The following EDARADD variants were observed in gnomAD, a reference collection of about 807,000 sequenced individuals.
The protein encoded by EDARADD is ectodysplasin-A receptor-associated adapter protein.
In EDARADD, 20 loss-of-function variants were observed where a neutral mutation model predicts 25.6. That is an observed-to-expected ratio of 0.78 (90% CI 0.55 to 1.14). The LOEUF (loss-of-function observed/expected upper bound fraction) is 1.14, where lower values mean the gene tolerates loss of function less well. EDARADD is among the 50% of genes most tolerant of loss of function. The pLI is 0.00. For missense variants in EDARADD, 225 were observed against 270.1 expected, an observed-to-expected ratio of 0.83 and a Z score of 1.17; for synonymous variants, 86 against 94.4, an observed-to-expected ratio of 0.91 and a Z score of 0.52.
intron 3 of EDARADD, among the ~76,000 whole-genome samples, chr1:236,362,689 AGATCTAGAATCAATTTT>A (rs1484790135): frequency 1.3e-5 from 2 of 152,114 alleles, no homozygotes; most frequent in Non-Finnish European, 2.9e-5. Flanking sequence ...AGGATTTATT[AGATCTAGAATCAATTTT>A]GAGTTAATTT....
intron 3 of EDARADD, among the ~76,000 whole-genome samples, chr1:236,381,678 G>C (rs187083899): frequency 9.2e-4 from 139 of 150,890 alleles, no homozygotes; most frequent in Non-Finnish European, 1.9e-3. Flanking sequence ...ATATTTTTCT[G>C]TCAATTCTTT....
intron 2 of EDARADD, among the ~76,000 whole-genome samples, chr1:236,413,818 G>T (rs1242164842): frequency 6.6e-6 from 1 of 152,186 alleles, no homozygotes. Context: ...GAATCATCCT[G>T]TCTCAGTCGA....
At chr1:236,457,348 T>C (rs1658897019) in intron 4 of EDARADD, among the ~76,000 whole-genome samples, 1 of 151,774 alleles carries the variant, frequency 6.6e-6, no homozygotes, top group South Asian at 2.1e-4. Flanking sequence ...AAACAACATC[T>C]CTACAAAAAT....
At chr1:236,355,591 C>A (rs1666966102) in intron 3 of EDARADD, among the ~76,000 whole-genome samples, 1 of 141,506 alleles carries the variant, frequency 7.1e-6, no homozygotes, top group African/African-American at 2.6e-5. Context: ...CTCACTGCAA[C>A]CTCAGTCTCC....
At chr1:236,417,176 T>G (rs1558117112) in intron 3 of EDARADD, among the ~76,000 whole-genome samples, 1 of 152,132 alleles carries the variant, frequency 6.6e-6, no homozygotes, top group Non-Finnish European at 1.5e-5. Context: ...AAAATCCACG[T>G]GAATTAACGA....
chr1:236,379,801 A>T (rs769368621), intron 3 of EDARADD, among the ~76,000 whole-genome samples: 26 of 152,350 alleles, frequency 1.7e-4, no homozygotes, highest in Non-Finnish European at 2.9e-4. Context: ...AAGTAAAATT[A>T]AAAAATTAAA....
intron 4 of EDARADD, among the ~76,000 whole-genome samples, chr1:236,457,820 C>CA (rs1658915735): frequency 8.4e-6 from 1 of 119,552 alleles, no homozygotes; most frequent in African/African-American, 3.5e-5. Flanking sequence ...CTCTGTCCCC[C>CA]ACCAAAAAAA....
At chr1:236,468,493 C>T (rs564335038) in intron 5 of EDARADD, among the ~76,000 whole-genome samples, 3 of 152,066 alleles carry the variant, frequency 2.0e-5, no homozygotes, top group East Asian at 1.9e-4. Context: ...TTGTGGTGGG[C>T]GCCTGTAATC....
At position 236,483,652 on chromosome 1, in the gene EDARADD, T is replaced by C; in HGVS notation, c.*1003T>C. On this transcript the variant is annotated 3_prime_UTR_variant, in exon 6 of 6. Transcript: ENST00000334232. ...GGCAGTTCTCATGCTGTCACCAAGC[T>C]GGCCATGCAGGAGTTCATGGTCCTC... 4 of 1,575,018 alleles carry C rather than the reference T, an allele frequency of 2.5e-6. No individual in the cohort carries two copies. Among genetic ancestry groups the C allele is most frequent in the Non-Finnish European group, 3.5e-6 (4 of 1,146,304 alleles).
In EDARADD at chr1:236,409,248, G is replaced by C; in HGVS notation, c.94G>C (p.Asp32His). 1 of 1,613,140 alleles carries C rather than the reference G, an allele frequency of 6.2e-7. No individual in the cohort carries two copies. Among genetic ancestry groups the C allele is most frequent in the Non-Finnish European group, 8.5e-7 (1 of 1,179,302 alleles). Residue 32 changes from aspartate (D) to histidine (H), a missense_variant, in exon 2 of 6, where the codon GAC becomes CAC. Coordinates refer to ENST00000334232, the MANE Select transcript of EDARADD (RefSeq NM_145861.4). ...GGTAAAGGAACCAGTGGAAGACACAGACCCTAGCACTTTATCCTTTAATAT... is the reference window on the plus strand; with the variant it reads ...GGTAAAGGAACCAGTGGAAGACACACACCCTAGCACTTTATCCTTTAATAT... ...HMVKEPVEDTDPSTLSFNMSD... is the reference protein window; with the variant it reads ...HMVKEPVEDTHPSTLSFNMSD...
intron 5 of EDARADD, among the ~76,000 whole-genome samples, chr1:236,471,104 A>C (rs1014414602): frequency 3.9e-5 from 6 of 152,116 alleles, no homozygotes; most frequent in African/African-American, 1.4e-4. Flanking sequence ...TCTCTACTCC[A>C]GTTTTATTCT....
At chr1:236,433,337 C>T (rs986806287) in intron 4 of EDARADD, among the ~76,000 whole-genome samples, 4 of 151,682 alleles carry the variant, frequency 2.6e-5, no homozygotes, top group Non-Finnish European at 5.9e-5. Context: ...GGCAGGTGGA[C>T]CACCTGAGGT....
At chr1:236,384,164 G>GT (rs1245982210) in intron 3 of EDARADD, among the ~76,000 whole-genome samples, 5 of 152,158 alleles carry the variant, frequency 3.3e-5, no homozygotes, top group Non-Finnish European at 7.3e-5. Flanking sequence ...GCTGCAACCA[G>GT]TGTCCTTATG....
chr1:236,369,817 A>G (rs1667155242), intron 3 of EDARADD, among the ~76,000 whole-genome samples: 1 of 152,020 alleles, frequency 6.6e-6, no homozygotes, highest in Non-Finnish European at 1.5e-5. Flanking sequence ...AGCCTGGGCA[A>G]CAAGAGCGAA....
Position 236,456,045 on chromosome 1 carries a change from T to C in EDARADD, c.220-12186T>C, listed in dbSNP as rs551683091. ...ACCTTGTAATCCGCCCGCCTCGGCC[T>C]CCCAAAGTACAGGGATTATAGGCGT... is the stretch of plus-strand genomic sequence containing the variant. On this transcript the variant is annotated intron_variant, in intron 4 of 5. Transcript: ENST00000334232. Among the ~76,000 whole-genome samples, 12 of 152,206 alleles carry C rather than the reference T, an allele frequency of 7.9e-5. No individual in the cohort carries two copies. The South Asian group carries it at 2.1e-3, about 26-fold the overall frequency.
At chr1:236,377,570 AT>A (rs559862550) in intron 3 of EDARADD, among the ~76,000 whole-genome samples, 2 of 147,806 alleles carry the variant, frequency 1.4e-5, no homozygotes, top group African/African-American at 5.0e-5. Flanking sequence ...TTCAAACTGT[AT>A]TTTTTTGGCT....
At chr1:236,467,052 C>T (rs1001349236) in intron 4 of EDARADD, among the ~76,000 whole-genome samples, 4 of 150,024 alleles carry the variant, frequency 2.7e-5, no homozygotes, top group Non-Finnish European at 5.9e-5. Flanking sequence ...GGCGACAGAG[C>T]AAGACTCCGT....
intron 3 of EDARADD, among the ~76,000 whole-genome samples, chr1:236,423,033 G>A (rs866364314): frequency 1.3e-5 from 2 of 152,196 alleles, no homozygotes; most frequent in African/African-American, 4.8e-5. Flanking sequence ...TCAAAAGCCT[G>A]TGGACAACTT....
intron 5 of EDARADD, among the ~76,000 whole-genome samples, chr1:236,480,180 C>T (rs1445534053): frequency 3.0e-5 from 4 of 132,766 alleles, no homozygotes; most frequent in Admixed American, 8.1e-5. Context: ...TAGTTCTAAT[C>T]GTAGAATTCA....
Sources: gnomAD v4.1 joint callset for allele counts (sites outside exome capture counted in the v4.1 genomes callset) on GRCh38, gnomAD v4.1.1 for gene constraint, MANE v1.5 for transcripts, NCBI Gene and HGNC (gene_info 2026-07-23, HGNC 2026-07-21) for gene names.